Variants in CTSB observed in about 807,000 individuals in gnomAD.
CTSB encodes APP secretase.
CTSB carries 57 observed loss-of-function variants against 44.3 expected under a neutral mutation model. The ratio of observed to expected loss-of-function variants is 1.29; its 90% CI spans 1.04 to 1.60. The LOEUF is 1.60. CTSB is among the 40% of genes most tolerant of loss of function. The probability of loss-of-function intolerance (pLI) is 0.00; values close to 1 mark genes in which losing one functional copy is unlikely to be tolerated. For synonymous variants in CTSB, 320 were observed against 168.0 expected (o/e 1.91, Z -7.00); for missense variants, 768 against 443.0 (o/e 1.73, Z -6.59).
intron 5 of CTSB, 137 bp downstream of exon 5, chr8:11,848,909 G>T (rs149797657): frequency 3.2e-6 from 2 of 618,658 alleles, no homozygotes; most frequent in African/African-American, 1.8e-5. Context: ...GGCCCTGCCT[G>T]CCAGACTCTC....
intron 4 of CTSB, chr8:11,849,978 G>T (rs2080101064): frequency 6.6e-6 from 1 of 152,348 alleles, no homozygotes. Flanking sequence ...CATAGAGACA[G>T]AAAGTAGAGT....
chr8:11,853,215 A>T, intron 2 of CTSB, 114 bp downstream of exon 2: 1 of 1,421,200 alleles, frequency 7.0e-7, no homozygotes, highest in East Asian at 2.3e-5. Context: ...ATTTTTCAAC[A>T]GTCCAGGACA....
chr8:11,848,022 C>A, intron 6 of CTSB, 45 bp downstream of exon 6: 1 of 1,500,944 alleles, frequency 6.7e-7, no homozygotes, highest in South Asian at 1.2e-5. Flanking sequence ...GTTAATTGCT[C>A]AAACAATCCA....
At chr8:11,866,213 AAAG>A (rs1258339186) in intron 1 of CTSB, among the ~76,000 whole-genome samples, 1 of 152,166 alleles carries the variant, frequency 6.6e-6, no homozygotes, top group Non-Finnish European at 1.5e-5. Context: ...TGGGGAAAGA[AAAG>A]AACCTGCCTA....
At chr8:11,857,806 C>G (rs1025088281) in intron 1 of CTSB, 1 of 152,864 alleles carries the variant, frequency 6.5e-6, no homozygotes. Context: ...CAGGGCCCAG[C>G]CCATTCCACT....
At chr8:11,848,218 G>A (rs758160225) in intron 5 of CTSB, 66 bp from the exon 6 acceptor site, 6 of 1,457,818 alleles carry the variant, frequency 4.1e-6, no homozygotes, top group African/African-American at 1.4e-5. Flanking sequence ...ACCACTGTGT[G>A]CTACCCAAGT....
At chr8:11,848,199 G>T in intron 5 of CTSB, 47 bp from the exon 6 acceptor site, 2 of 1,522,398 alleles carry the variant, frequency 1.3e-6, no homozygotes, top group Non-Finnish European at 9.1e-7. Context: ...AGCACCACCA[G>T]CTCTCCAGAC....
At position 11,844,413 on chromosome 8, in the gene CTSB, C is replaced by T. The variant is rs1426604018; in HGVS notation, c.*712G>A. 1 of 152,174 alleles carries T rather than the reference C, an allele frequency of 6.6e-6. No homozygotes were observed. Among genetic ancestry groups the T allele is most frequent in the Admixed American group, 6.5e-5 (1 of 15,276 alleles). 9.4% of individuals were successfully genotyped at this position (152,174 alleles called of 1,614,324 possible). On this transcript the variant is annotated 3_prime_UTR_variant, in exon 10 of 10. Transcript: ENST00000353047. ...TCAAAAACAGTAAAAGCTGGTTTCTCCTAAACTATTTTCCTTGTGGTAGTA... is the reference window on the plus strand; with the variant it reads ...TCAAAAACAGTAAAAGCTGGTTTCTTCTAAACTATTTTCCTTGTGGTAGTA...
chr8:11,846,425 AAGTTTCCAATCT>A (rs1813355216), intron 8 of CTSB: 1 of 152,374 alleles, frequency 6.6e-6, no homozygotes, highest in African/African-American at 2.4e-5. Context: ...GTTGTTTTAC[AAGTTTCCAATCT>A]AGCAAAATAT....
At chr8:11,846,099 C>G (rs543945404) in intron 8 of CTSB, 5 of 197,762 alleles carry the variant, frequency 2.5e-5, no homozygotes, top group Non-Finnish European at 3.1e-5. Flanking sequence ...ATGACTGATT[C>G]ATCTGTTCTT....
Position 11,844,224 on chromosome 8 carries a change from G to GT in CTSB, c.*900dup, listed in dbSNP as rs1187518470. 2 of 152,180 alleles carry GT rather than the reference G, an allele frequency of 1.3e-5. No individual in the cohort carries two copies. Among genetic ancestry groups the GT allele is most frequent in the African/African-American group, 4.8e-5 (2 of 41,430 alleles). 9.4% of individuals were successfully genotyped at this position (152,180 alleles called of 1,614,324 possible). A position where few individuals can be genotyped will look rare whatever the true frequency, so the allele number is the denominator to read the frequency against. On this transcript the variant is annotated 3_prime_UTR_variant, in exon 10 of 10. Transcript: ENST00000353047. ...GTCCCAAGAGTCGCAAGAACATGCA[G>GT]TTCCAGGACGTGATTCTCTGCAGGG...
rs376506039 is a variant in CTSB at position 11,852,266 on chromosome 8, G to T, written c.212+344C>A. ...CAAGCCTGTGGCCCCAGCTACTCAG[G>T]AGGCTGTGGCATGAGAATCGCTTGA... On this transcript the variant is annotated intron_variant, in intron 3 of 9. Transcript: ENST00000353047. Among the ~76,000 whole-genome samples, 23 of 152,222 alleles carry T rather than the reference G, an allele frequency of 1.5e-4. No homozygotes were observed. In the South Asian group the frequency reaches 4.8e-3, roughly 32 times the overall value.
chr8:11,864,807 C>A (rs1389707133), intron 1 of CTSB, among the ~76,000 whole-genome samples: 5 of 151,788 alleles, frequency 3.3e-5, no homozygotes, highest in African/African-American at 1.2e-4. Context: ...CCAGCTACTC[C>A]GGAGGCTGAG....
At chr8:11,861,775 T>C (rs548934670) in intron 1 of CTSB, among the ~76,000 whole-genome samples, 1 of 152,314 alleles carries the variant, frequency 6.6e-6, no homozygotes, top group Admixed American at 6.5e-5. Flanking sequence ...TAGAGATCCT[T>C]TGAGATTGCA....
intron 2 of CTSB, 90 bp downstream of exon 2, chr8:11,853,239 C>A: frequency 6.5e-7 from 1 of 1,535,912 alleles, no homozygotes; most frequent in South Asian, 1.2e-5. Context: ...TTCTGTGGGC[C>A]ACAGTGAGGG....
chr8:11,847,013 G>T (rs553162881), intron 8 of CTSB, 39 bp downstream of exon 8: 13 of 642,934 alleles, frequency 2.0e-5, no homozygotes, highest in South Asian at 1.8e-4. Flanking sequence ...CTCCCCTCCC[G>T]ACCCCCACCC....
chr8:11,867,855 C>T (rs1307933321), intron 1 of CTSB, 146 bp downstream of exon 1: 1 of 143,908 alleles, frequency 6.9e-6, no homozygotes, highest in African/African-American at 2.5e-5. Context: ...TCCCGAGGGT[C>T]CCGGCTCCCC....
At chr8:11,854,052 C>T (rs1815090751) in intron 1 of CTSB, among the ~76,000 whole-genome samples, 1 of 152,164 alleles carries the variant, frequency 6.6e-6, no homozygotes, top group South Asian at 2.1e-4. Context: ...CTTCCGGCTG[C>T]GGAGATGAGG....
intron 1 of CTSB, chr8:11,865,447 A>G (rs1816983476): frequency 6.6e-6 from 1 of 152,044 alleles, no homozygotes; most frequent in Non-Finnish European, 1.5e-5. Context: ...AAATTAGCTG[A>G]GTGTGGAGGC....
Sources: gnomAD v4.1 joint callset for allele counts (sites outside exome capture counted in the v4.1 genomes callset) on GRCh38, gnomAD v4.1.1 for gene constraint, MANE v1.5 for transcripts, NCBI Gene and HGNC (gene_info 2026-07-23, HGNC 2026-07-21) for gene names.